Variants in RNPC3 observed in about 807,000 individuals in gnomAD.
The protein encoded by RNPC3 is RNA binding region (RNP1, RRM) containing 3.
In RNPC3, 48 loss-of-function variants were observed where a neutral mutation model predicts 67.5. The observed-to-expected ratio is 0.71, with a 90% CI of 0.56 to 0.90. RNPC3 has a LOEUF of 0.90. Among genes scored for constraint, RNPC3 ranks in the 40% least tolerant of loss-of-function variants. The pLI is 0.00. For missense variants in RNPC3, 637 were observed against 626.1 expected, an observed-to-expected ratio of 1.02 and a Z score of -0.19; for synonymous variants, 239 against 210.3, an observed-to-expected ratio of 1.14 and a Z score of -1.18.
Position 103,537,467 on chromosome 1 carries a change from T to A in RNPC3, c.750T>A (p.Asp250Glu). 1 of 1,536,360 alleles carries A rather than the reference T, an allele frequency of 6.5e-7. No homozygotes were observed. Among genetic ancestry groups the A allele is most frequent in the Non-Finnish European group, 8.7e-7 (1 of 1,146,596 alleles). ...SSEESEYEST[D>E]DEDRQRMNKL... Reference sequence around the variant, plus strand: ...AAGAATCAGAATATGAAAGCACTGATGATGAGGACCGACAGAGGTTTGTAA... The same window carrying A: ...AAGAATCAGAATATGAAAGCACTGAAGATGAGGACCGACAGAGGTTTGTAA... Residue 250 changes from aspartate to glutamate, a missense_variant, in exon 7 of 15, where the codon GAT becomes GAA. Asp to Glu is a conservative substitution (Grantham distance 45). Transcript: ENST00000423855.
In RNPC3 at chr1:103,546,966, T is replaced by G. The variant is rs541352099; in HGVS notation, c.1303-11T>G. 7.2e-7 allele frequency: 1 copy of G among 1,379,550 alleles called. No homozygotes were observed. The highest frequency in any genetic ancestry group is 2.5e-5 in the East Asian group (1 of 39,580). 85.5% of individuals were successfully genotyped at this position (1,379,550 alleles called of 1,614,324 possible). A position where few individuals can be genotyped will look rare whatever the true frequency, so the allele number is the denominator to read the frequency against. The stretch of plus-strand genomic sequence containing the variant: ...GCTTTGTTATTTGTCTTTTTCTTAT[T>G]GAAATTCTAGGACCTTAAATATATT... On this transcript the variant is annotated splice_polypyrimidine_tract_variant and intron_variant, in intron 11 of 14. Transcript: ENST00000423855.
At chr1:103,546,935 C>T in intron 11 of RNPC3, 42 bp from the exon 12 acceptor site, 3 of 1,030,078 alleles carry the variant, frequency 2.9e-6, no homozygotes, top group Non-Finnish European at 4.2e-6. Flanking sequence ...AAGTTTTTTT[C>T]CCCTGGCTTT....
intron 8 of RNPC3, among the ~76,000 whole-genome samples, 158 bp from the exon 9 acceptor site, chr1:103,543,138 A>T (rs1651164789): frequency 6.6e-6 from 1 of 151,852 alleles, no homozygotes; most frequent in African/African-American, 2.4e-5. Flanking sequence ...AAAGTTTATT[A>T]AACTAATAAG....
In RNPC3 at chr1:103,525,977, G is replaced by T; in HGVS notation, c.-94G>T. 1.0e-6 allele frequency: 1 copy of T among 1,000,596 alleles called. No homozygotes were observed. Among genetic ancestry groups the T allele is most frequent in the Non-Finnish European group, 1.4e-6 (1 of 700,832 alleles). The allele number at this position is 1,000,596 out of a possible 1,614,324, so 62.0% of individuals were successfully genotyped here. A position where few individuals can be genotyped will look rare whatever the true frequency, so the allele number is the denominator to read the frequency against. ...TCCTGGTTTCCAGAATCCTTAGCGC[G>T]AGGCGGAAAAAATATTTCTCCCAGC... On this transcript the variant is annotated 5_prime_UTR_variant, in exon 1 of 15. Coordinates refer to ENST00000423855, the MANE Select transcript of RNPC3 (RefSeq NM_017619.4).
Position 103,545,104 on chromosome 1 carries a change from T to C in RNPC3, c.1207+2T>C. The C allele has an allele frequency of 1.3e-6, 2 of 1,529,340 alleles. No individual in the cohort carries two copies. Among genetic ancestry groups the C allele is most frequent in the Non-Finnish European group, 8.7e-7 (1 of 1,142,982 alleles). The allele number at this position is 1,529,340 out of a possible 1,614,324, so 94.7% of individuals were successfully genotyped here. On this transcript the variant is annotated splice_donor_variant, in intron 10 of 14. Transcript: ENST00000423855. LOFTEE classifies it high-confidence loss of function. ...AAAAGGGCAGAATTTCTAGAGAAGG[T>C]AATGTCACGAAATAAACTAAGCACA...
chr1:103,545,140 T>A, intron 10 of RNPC3, 38 bp downstream of exon 10: 1 of 1,483,902 alleles, frequency 6.7e-7, no homozygotes. Flanking sequence ...TATTCCATTT[T>A]ACATATCTTT....
chr1:103,551,840 TA>T, intron 14 of RNPC3, 48 bp downstream of exon 14: 3 of 991,774 alleles, frequency 3.0e-6, no homozygotes, highest in Non-Finnish European at 4.4e-6. Context: ...ATTCTTGAGA[TA>T]AAATTAAGAA....
intron 8 of RNPC3, among the ~76,000 whole-genome samples, chr1:103,542,917 CA>C (rs1187097897): frequency 6.6e-6 from 1 of 151,596 alleles, no homozygotes. Context: ...TTTAAGTCAT[CA>C]AAGTCTAATA....
intron 3 of RNPC3, among the ~76,000 whole-genome samples, chr1:103,534,232 A>G (rs1267775872): frequency 6.6e-6 from 1 of 151,954 alleles, no homozygotes; most frequent in Non-Finnish European, 1.5e-5. Flanking sequence ...CAGCTTCACA[A>G]ATTTGCTTTA....
intron 2 of RNPC3, among the ~76,000 whole-genome samples, chr1:103,532,651 CAA>C (rs1041261361): frequency 1.3e-5 from 2 of 151,912 alleles, no homozygotes; most frequent in African/African-American, 4.8e-5. Context: ...AGGCACAAGT[CAA>C]AGAGATGGAG....
chr1:103,551,885 CTT>C (rs74262182), intron 14 of RNPC3, 93 bp downstream of exon 14: 6,063 of 461,070 alleles, frequency 0.013, no homozygotes, highest in South Asian at 0.021. Flanking sequence ...TCAGGTATCT[CTT>C]TTTTTTTTTT....
At chr1:103,547,977 C>T (rs1050756822) in intron 12 of RNPC3, among the ~76,000 whole-genome samples, 2 of 152,172 alleles carry the variant, frequency 1.3e-5, no homozygotes, top group African/African-American at 4.8e-5. Flanking sequence ...CAAGGCTTGA[C>T]GTTTGCATCC....
At position 103,545,040 on chromosome 1, in the gene RNPC3, A is replaced by G. The variant is rs1427444440; in HGVS notation, c.1145A>G (p.Asp382Gly). The G allele has an allele frequency of 1.3e-6, 2 of 1,534,596 alleles. No individual in the cohort carries two copies. Among genetic ancestry groups the G allele is most frequent in the African/African-American group, 2.7e-5 (2 of 72,932 alleles). ...DITEEIKEDSDEMPSECISRR... is the reference protein window; with the variant it reads ...DITEEIKEDSGEMPSECISRR... ...ACAGAGGAGATTAAAGAAGACTCTG[A>G]TGAAATGCCTTCAGAATGTATTTCT... The change falls in exon 10 of 15, where the codon GAT becomes GGT. Residue 382 changes from aspartate (D) to glycine (G), a missense_variant. Physicochemically the swap from Asp to Gly is moderately conservative, Grantham distance 94. Transcript: ENST00000423855.
chr1:103,533,501 G>T (rs1273954587), intron 2 of RNPC3, among the ~76,000 whole-genome samples: 2 of 152,008 alleles, frequency 1.3e-5, no homozygotes, highest in Non-Finnish European at 2.9e-5. Flanking sequence ...AGCTGCCTGG[G>T]TATAAGCAGA....
rs541898590 is a variant in RNPC3, at chr1:103,543,454, A to G, written c.1045+7A>G. 3.4e-6 allele frequency: 5 copies of G among 1,475,144 alleles called. No individual in the cohort carries two copies. The highest frequency in any genetic ancestry group is 2.7e-5 in the South Asian group (2 of 74,354). The allele number at this position is 1,475,144 out of a possible 1,614,324, so 91.4% of individuals were successfully genotyped here. On this transcript the variant is annotated splice_region_variant and intron_variant, in intron 9 of 14. Transcript: ENST00000423855. ...TGTGAGGAAAAAAATCATGGTAAGG[A>G]TATTCTAGTTATTTCACATGCTGAA...
intron 2 of RNPC3, among the ~76,000 whole-genome samples, chr1:103,531,307 C>T (rs918461393): frequency 6.6e-6 from 1 of 152,152 alleles, no homozygotes; most frequent in South Asian, 2.1e-4. Context: ...CTGCTATAAA[C>T]GTGCATGTGC....
At chr1:103,545,991 A>G (rs1651232700) in intron 10 of RNPC3, 1 of 178,676 alleles carries the variant, frequency 5.6e-6, no homozygotes, top group Non-Finnish European at 1.2e-5. Context: ...TATATAATCA[A>G]TTCAGATTTT....
chr1:103,527,199 T>C (rs1378382525), intron 1 of RNPC3, among the ~76,000 whole-genome samples: 1 of 152,208 alleles, frequency 6.6e-6, no homozygotes, highest in Admixed American at 6.5e-5. Flanking sequence ...CTGATGGTTT[T>C]TAAAATCCGT....
rs544384004 is a variant in RNPC3 at position 103,533,103 on chromosome 1, G to A, written c.241-636G>A. ...AGAGCATAGCTAAGTAAAGACCCTT[G>A]AGGAGATGAGAGGATGGAATTTAGT... On this transcript the variant is annotated intron_variant, in intron 2 of 14. Coordinates refer to ENST00000423855, the MANE Select transcript of RNPC3 (RefSeq NM_017619.4). 3.2e-4 allele frequency among the ~76,000 whole-genome samples: 48 copies of A among 151,718 alleles called. 1 individual carries two copies. The highest frequency in any genetic ancestry group is 1.1e-3 in the African/African-American group (45 of 41,516).
Sources: gnomAD v4.1 joint callset for allele counts (sites outside exome capture counted in the v4.1 genomes callset) on GRCh38, gnomAD v4.1.1 for gene constraint, MANE v1.5 for transcripts, NCBI Gene and HGNC (gene_info 2026-07-23, HGNC 2026-07-21) for gene names.